RPTOR: variants seen among roughly 807,000 people sequenced by gnomAD.
RPTOR encodes the protein regulatory-associated protein of mTOR.
RPTOR carries 21 observed loss-of-function variants against 169.9 expected under a neutral mutation model. The observed-to-expected ratio is 0.12, with a 90% confidence interval of 0.09 to 0.18. The LOEUF is 0.18. Ranked by LOEUF, RPTOR falls within the 10% of genes least tolerant of loss-of-function variation. The probability of loss-of-function intolerance (pLI) is 1.00; values close to 1 mark genes in which losing one functional copy is unlikely to be tolerated. For missense variants in RPTOR, 1,133 were observed against 1,855.9 expected, an observed-to-expected ratio of 0.61 and a Z score of 7.16; for synonymous variants, 732 against 753.2, an observed-to-expected ratio of 0.97 and a Z score of 0.46.
chr17:80,958,405 CTTTTTT>C (rs34955105), intron 29 of RPTOR, among the ~76,000 whole-genome samples: 4 of 83,666 alleles, frequency 4.8e-5, no homozygotes, highest in Admixed American at 3.1e-4. Flanking sequence ...ATTTTTGTTT[CTTTTTT>C]TTTTTTTTTT....
At chr17:80,764,572 T>C (rs2066768293) in intron 6 of RPTOR, among the ~76,000 whole-genome samples, 1 of 152,044 alleles carries the variant, frequency 6.6e-6, no homozygotes. Flanking sequence ...TGTTGGACAT[T>C]TGGGTTGGTT....
At chr17:80,678,433 T>G (rs2065875269) in intron 3 of RPTOR, among the ~76,000 whole-genome samples, 1 of 152,170 alleles carries the variant, frequency 6.6e-6, no homozygotes, top group Non-Finnish European at 1.5e-5. Context: ...GGCAAAACCC[T>G]TTCTCTACAA....
At chr17:80,946,784 G>C (rs192348426) in intron 26 of RPTOR, among the ~76,000 whole-genome samples, 1 of 152,232 alleles carries the variant, frequency 6.6e-6, no homozygotes, top group Non-Finnish European at 1.5e-5. Flanking sequence ...GTGAACATTG[G>C]TGTACAAGTA....
intron 3 of RPTOR, among the ~76,000 whole-genome samples, chr17:80,666,422 C>T (rs977605982): frequency 3.9e-5 from 6 of 152,226 alleles, no homozygotes; most frequent in East Asian, 1.9e-4. Flanking sequence ...GAGTTAGGTC[C>T]TTGCCGTGAG....
rs375726919 is a variant in RPTOR at position 80,880,444 on chromosome 17, C to T, written c.1539C>T (p.Asn513=). 87 of 1,613,640 alleles carry T rather than the reference C, an allele frequency of 5.4e-5. No individual in the cohort carries two copies. Among genetic ancestry groups the T allele is most frequent in the South Asian group, 3.2e-4 (29 of 91,086 alleles). The change falls in exon 14 of 34, where the codon AAC becomes AAT. Residue 513 remains asparagine (N), a synonymous_variant. Coordinates refer to ENST00000306801, the MANE Select transcript of RPTOR (RefSeq NM_020761.3). Reference sequence around the variant, plus strand: ...GCCAAGCGGACCTCGTGAAGGACAACGGCCACAAGTACTTCCTGTCGGTCC... The same window carrying T: ...GCCAAGCGGACCTCGTGAAGGACAATGGCCACAAGTACTTCCTGTCGGTCC... ...SSCQADLVKD[N]GHKYFLSVLA...
chr17:80,611,255 G>GTTATTA (rs556846624), intron 1 of RPTOR, among the ~76,000 whole-genome samples: 7 of 150,800 alleles, frequency 4.6e-5, no homozygotes, highest in East Asian at 3.9e-4. Flanking sequence ...AGTAGCACAT[G>GTTATTA]TTATTATTAT....
rs182329361 is a variant in RPTOR at position 80,576,753 on chromosome 17, G to C, written c.162+30962G>C. Among the ~76,000 whole-genome samples, 758 of 152,328 alleles carry C rather than the reference G, an allele frequency of 5.0e-3. 4 individuals are homozygous for C. The highest frequency in any genetic ancestry group is 0.013 in the South Asian group (62 of 4,820). The stretch of plus-strand genomic sequence containing the variant: ...GGGTCTCGCTCTGTTATCCAGGCTA[G>C]AGTAAAGTGGCATGACCTTGGCTCA... On this transcript the variant is annotated intron_variant, in intron 1 of 33. Coordinates refer to ENST00000306801, the MANE Select transcript of RPTOR (RefSeq NM_020761.3).
chr17:80,771,872 C>G (rs553707858), intron 6 of RPTOR, among the ~76,000 whole-genome samples: 5 of 152,206 alleles, frequency 3.3e-5, no homozygotes, highest in Admixed American at 3.3e-4. Context: ...CCAGCTGGTG[C>G]GTAGCGAGGC....
chr17:80,604,783 T>G (rs1420340155), intron 1 of RPTOR, among the ~76,000 whole-genome samples: 1 of 152,162 alleles, frequency 6.6e-6, no homozygotes, highest in Non-Finnish European at 1.5e-5. Flanking sequence ...CTTGTGAGAC[T>G]TATTCACCAT....
At chr17:80,692,527 G>A (rs763112875) in intron 3 of RPTOR, among the ~76,000 whole-genome samples, 1 of 152,122 alleles carries the variant, frequency 6.6e-6, no homozygotes, top group Non-Finnish European at 1.5e-5. Flanking sequence ...CTCCATGTTG[G>A]TCAGGCTGGT....
chr17:80,965,101 G>A lies in RPTOR; in HGVS notation c.*771G>A, dbSNP rs1052748114. 2 of 233,316 alleles carry A rather than the reference G, an allele frequency of 8.6e-6. No homozygotes were observed. Among genetic ancestry groups the A allele is most frequent in the Non-Finnish European group, 8.5e-6 (1 of 118,048 alleles). The allele number at this position is 233,316 out of a possible 1,614,324, so 14.5% of individuals were successfully genotyped here. On this transcript the variant is annotated 3_prime_UTR_variant, in exon 34 of 34. Coordinates refer to ENST00000306801, the MANE Select transcript of RPTOR (RefSeq NM_020761.3). ...TGCACAGGGGAGGCAGGTCCTTGGCGAGGTAGCCCCTGCCTTAATCCACGG... is the reference window on the plus strand; with the variant it reads ...TGCACAGGGGAGGCAGGTCCTTGGCAAGGTAGCCCCTGCCTTAATCCACGG...
chr17:80,712,606 A>G (rs1304698593), intron 4 of RPTOR, among the ~76,000 whole-genome samples: 1 of 152,196 alleles, frequency 6.6e-6, no homozygotes, highest in Non-Finnish European at 1.5e-5. Context: ...AACTTCTGAC[A>G]ATTAGGAATA....
chr17:80,565,180 T>G (rs1396237596), intron 1 of RPTOR, among the ~76,000 whole-genome samples: 2 of 152,204 alleles, frequency 1.3e-5, no homozygotes, highest in Non-Finnish European at 2.9e-5. Flanking sequence ...CATGTTATCT[T>G]GAAAGTTTTG....
At position 80,960,502 on chromosome 17, in the gene RPTOR, G is replaced by T. The variant is rs562848013; in HGVS notation, c.3605+297G>T. On this transcript the variant is annotated intron_variant, in intron 30 of 33. Transcript: ENST00000306801. The surrounding 1 kb of genome is among the most constrained non-coding windows in gnomAD (Gnocchi z 4.8). ...GTGGACTGGAGGCAGAGGCTGTCGG[G>T]GTGAGGCAGGGCCGCAGCCAGGCAC... Among the ~76,000 whole-genome samples, 5 of 152,326 alleles carry T rather than the reference G, an allele frequency of 3.3e-5. No homozygotes were observed. The highest frequency in any genetic ancestry group is 7.4e-5 in the Non-Finnish European group (5 of 68,010).
chr17:80,945,319 G>A (rs180958314), intron 25 of RPTOR, among the ~76,000 whole-genome samples: 4 of 151,930 alleles, frequency 2.6e-5, no homozygotes, highest in South Asian at 4.2e-4. Flanking sequence ...GGGGCCCGGC[G>A]CGGTGGCTCA....
chr17:80,728,959 A>G (rs1215554493), intron 4 of RPTOR, among the ~76,000 whole-genome samples: 2 of 152,204 alleles, frequency 1.3e-5, no homozygotes, highest in Non-Finnish European at 2.9e-5. Flanking sequence ...AGTTTTAACA[A>G]CATGTTTGGC....
intron 21 of RPTOR, among the ~76,000 whole-genome samples, chr17:80,920,699 G>T (rs912032054): frequency 1.3e-5 from 2 of 152,262 alleles, no homozygotes; most frequent in African/African-American, 4.8e-5. Context: ...AGCAGCGCCT[G>T]AGCCTTTGTG....
intron 1 of RPTOR, among the ~76,000 whole-genome samples, chr17:80,603,206 T>C (rs1016858300): frequency 7.9e-5 from 12 of 152,132 alleles, no homozygotes; most frequent in Admixed American, 3.9e-4. Flanking sequence ...TTGAGTAAAA[T>C]TGGAAATAAT....
chr17:80,965,289 C>T lies in RPTOR; in HGVS notation c.*959C>T, dbSNP rs1483915954. On this transcript the variant is annotated 3_prime_UTR_variant, in exon 34 of 34. Coordinates refer to ENST00000306801, the MANE Select transcript of RPTOR (RefSeq NM_020761.3). ...ACACACATGCAGGCGGCGTGGTCTCCCTGCTCTGTCCCCACACGTTCCTCA... is the reference window on the plus strand; with the variant it reads ...ACACACATGCAGGCGGCGTGGTCTCTCTGCTCTGTCCCCACACGTTCCTCA... 2 of 233,260 alleles carry T rather than the reference C, an allele frequency of 8.6e-6. No individual in the cohort carries two copies. Among genetic ancestry groups the T allele is most frequent in the Admixed American group, 5.6e-5 (1 of 17,790 alleles). The allele number at this position is 233,260 out of a possible 1,614,324, so 14.4% of individuals were successfully genotyped here. A position where few individuals can be genotyped will look rare whatever the true frequency, so the allele number is the denominator to read the frequency against.
Sources: gnomAD v4.1 joint callset for allele counts (sites outside exome capture counted in the v4.1 genomes callset) on GRCh38, gnomAD v4.1.1 for gene constraint, Gnocchi (gnomAD v3.1) non-coding constraint, MANE v1.5 for transcripts, NCBI Gene and HGNC (gene_info 2026-07-23, HGNC 2026-07-21) for gene names.